CCDC152: variants seen among roughly 807,000 people sequenced by gnomAD.
The protein encoded by CCDC152 is coiled-coil domain containing 152.
In CCDC152, 37 loss-of-function variants were observed where a neutral mutation model predicts 38.1. The ratio of observed to expected loss-of-function variants is 0.97; its 90% CI spans 0.75 to 1.28. The LOEUF is 1.28. Ranked by LOEUF, CCDC152 falls within the 50% of genes most tolerant of loss-of-function variation. CCDC152 has a pLI of 0.00. For synonymous variants in CCDC152, 83 were observed against 87.1 expected, an observed-to-expected ratio of 0.95 and a Z score of 0.26; for missense variants, 259 against 292.1, an observed-to-expected ratio of 0.89 and a Z score of 0.83.
At chr5:42,764,302 C>T (rs913666365) in intron 3 of CCDC152, among the ~76,000 whole-genome samples, 2 of 151,958 alleles carry the variant, frequency 1.3e-5, no homozygotes, top group African/African-American at 2.4e-5. Context: ...CCCAGTTACT[C>T]GGGAGATTGA....
chr5:42,792,846 G>C (rs1760022389), intron 6 of CCDC152, among the ~76,000 whole-genome samples: 1 of 152,172 alleles, frequency 6.6e-6, no homozygotes, highest in Non-Finnish European at 1.5e-5. Flanking sequence ...ATTTTAGAGT[G>C]CAGGAGCTGG....
At chr5:42,783,256 G>T (rs529863449) in intron 5 of CCDC152, among the ~76,000 whole-genome samples, 1 of 151,910 alleles carries the variant, frequency 6.6e-6, no homozygotes, top group South Asian at 2.1e-4. Context: ...TTCAAACAAT[G>T]AACAATATTT....
At chr5:42,795,729 C>G (rs559311738) in intron 6 of CCDC152, among the ~76,000 whole-genome samples, 1 of 152,218 alleles carries the variant, frequency 6.6e-6, no homozygotes, top group African/African-American at 2.4e-5. Context: ...ACCCAGCCAT[C>G]CCATTACTGG....
intron 6 of CCDC152, among the ~76,000 whole-genome samples, chr5:42,796,130 T>C (rs1268867328): frequency 6.6e-6 from 1 of 151,780 alleles, no homozygotes; most frequent in South Asian, 2.1e-4. Flanking sequence ...TTAGCAGATA[T>C]ACCTAATGCT....
chr5:42,786,415 A>T (rs1443015876), intron 6 of CCDC152, among the ~76,000 whole-genome samples: 1 of 152,148 alleles, frequency 6.6e-6, no homozygotes, highest in Non-Finnish European at 1.5e-5. Context: ...TTGTGCACAT[A>T]GAAATGTTCA....
chr5:42,766,321 G>A (rs916184623), intron 3 of CCDC152, among the ~76,000 whole-genome samples: 3 of 152,120 alleles, frequency 2.0e-5, no homozygotes, highest in African/African-American at 7.2e-5. Context: ...TGATGGGAAG[G>A]GAAATTAGTA....
chr5:42,787,177 C>G (rs1051799848), intron 6 of CCDC152, among the ~76,000 whole-genome samples: 1 of 152,036 alleles, frequency 6.6e-6, no homozygotes, highest in South Asian at 2.1e-4. Flanking sequence ...GGTCAAAAGT[C>G]CAATTAAAGT....
Position 42,799,653 on chromosome 5 carries a change from GT to G in CCDC152, c.643-3del, listed in dbSNP as rs1760135179. On this transcript the variant is annotated splice_polypyrimidine_tract_variant and splice_region_variant and intron_variant, in intron 8 of 8. Transcript: ENST00000361970. The stretch of plus-strand genomic sequence containing the variant: ...ATTCTAATAACAAATTTTTTGTTTC[GT>G]TTAGAAACTTCAGCATTTTCAAGAA... The G allele has an allele frequency of 6.5e-7, 1 of 1,533,204 alleles. No individual in the cohort carries two copies. The highest frequency in any genetic ancestry group is 1.4e-5 in the African/African-American group (1 of 71,802). The allele number at this position is 1,533,204 out of a possible 1,614,324, so 95.0% of individuals were successfully genotyped here.
At chr5:42,779,736 A>T (rs903443147) in intron 5 of CCDC152, among the ~76,000 whole-genome samples, 3 of 151,948 alleles carry the variant, frequency 2.0e-5, no homozygotes, top group Non-Finnish European at 4.4e-5. Context: ...TTTTTTACAA[A>T]ATATAATGTA....
intron 6 of CCDC152, among the ~76,000 whole-genome samples, chr5:42,795,232 C>T (rs1271290377): frequency 3.3e-5 from 5 of 151,944 alleles, no homozygotes; most frequent in Non-Finnish European, 7.4e-5. Flanking sequence ...AAATAGTAGC[C>T]AACATGAAGC....
Position 42,759,202 on chromosome 5 carries a change from A to G in CCDC152, c.81A>G (p.Ile27Met), listed in dbSNP as rs1402564262. 2 of 1,541,332 alleles carry G rather than the reference A, an allele frequency of 1.3e-6. No homozygotes were observed. The highest frequency in any genetic ancestry group is 2.0e-5 in the Admixed American group (1 of 50,862). Residue 27 changes from isoleucine to methionine, a missense_variant, in exon 2 of 9, where the codon ATA becomes ATG. Coordinates refer to ENST00000361970, the MANE Select transcript of CCDC152 (RefSeq NM_001134848.2). ...LDKLINDFSQ[I>M]EKKMVETNGK... ...AACTTATAAATGACTTCTCACAGAT[A>G]GAAAAGGTATGTAAAGATAGAAAAC...
In CCDC152 at chr5:42,785,975, G is replaced by A. The variant is rs191016463; in HGVS notation, c.430+2399G>A. ...ATCCTTGCATCCCTGAAATAAGGCC[G>A]TTTGATCCTGATGAATTATCTTTTT... On this transcript the variant is annotated intron_variant, in intron 6 of 8. Coordinates refer to ENST00000361970, the MANE Select transcript of CCDC152 (RefSeq NM_001134848.2). Among the ~76,000 whole-genome samples the A allele has an allele frequency of 1.4e-4, 22 of 152,158 alleles. No homozygotes were observed. The East Asian group carries it at 1.5e-3, about 11-fold the overall frequency.
Position 42,763,211 on chromosome 5 carries a change from A to G in CCDC152, c.193+663A>G, listed in dbSNP as rs368371554. Among the ~76,000 whole-genome samples the G allele has an allele frequency of 1.1e-4, 16 of 152,364 alleles. No individual in the cohort carries two copies. The East Asian group carries it at 1.7e-3, about 17-fold the overall frequency. On this transcript the variant is annotated intron_variant, in intron 3 of 8. Coordinates refer to ENST00000361970, the MANE Select transcript of CCDC152 (RefSeq NM_001134848.2). ...AAAAGCACCCCACAGTGATGGGAGTATGTTGAAAGTGAGACAAAAGCCAAC... is the reference window on the plus strand; with the variant it reads ...AAAAGCACCCCACAGTGATGGGAGTGTGTTGAAAGTGAGACAAAAGCCAAC...
chr5:42,768,388 C>CAT (rs10627477), intron 3 of CCDC152, among the ~76,000 whole-genome samples: 106,813 of 151,532 alleles, frequency 0.7, 38,188 homozygotes, highest in East Asian at 0.86. Flanking sequence ...CAAAACAAAA[C>CAT]AGTCTCTGCT....
At chr5:42,771,965 A>G (rs942871688) in intron 4 of CCDC152, among the ~76,000 whole-genome samples, 10 of 152,192 alleles carry the variant, frequency 6.6e-5, no homozygotes, top group South Asian at 2.1e-4. Flanking sequence ...AAGGAAAGAA[A>G]ATTACATCCC....
Position 42,799,873 on chromosome 5 carries a change from A to C in CCDC152, c.*92A>C. On this transcript the variant is annotated 3_prime_UTR_variant, in exon 9 of 9. Transcript: ENST00000361970. ...ATATATGCATACAGCCTACATAACA[A>C]ACGAAGTCAGCTTTAAGGTTTTTAT... is the stretch of plus-strand genomic sequence containing the variant. The C allele has an allele frequency of 7.4e-7, 1 of 1,345,146 alleles. No homozygotes were observed. 83.3% of individuals were successfully genotyped at this position (1,345,146 alleles called of 1,614,324 possible).
intron 4 of CCDC152, among the ~76,000 whole-genome samples, chr5:42,772,644 C>A (rs1420802725): frequency 8.6e-5 from 9 of 105,026 alleles, no homozygotes; most frequent in Non-Finnish European, 1.4e-4. Context: ...AACGAGACTC[C>A]GTCTCAAAAA....
intron 6 of CCDC152, among the ~76,000 whole-genome samples, chr5:42,793,633 C>T (rs1227967982): frequency 2.6e-5 from 4 of 152,032 alleles, no homozygotes; most frequent in Admixed American, 1.3e-4. Flanking sequence ...TTTGGAGACA[C>T]AGTCTCACTC....
At chr5:42,781,728 A>G (rs1425939444) in intron 5 of CCDC152, among the ~76,000 whole-genome samples, 1 of 152,196 alleles carries the variant, frequency 6.6e-6, no homozygotes, top group African/African-American at 2.4e-5. Context: ...ATATCAAGAT[A>G]TATGTGTGTG....
Sources: allele counts gnomAD v4.1 joint callset (sites outside exome capture counted in the v4.1 genomes callset), GRCh38; gene constraint gnomAD v4.1.1; transcripts MANE v1.5; gene names NCBI Gene and HGNC (gene_info 2026-07-23, HGNC 2026-07-21).